The following SMYD3 variants were observed in gnomAD, a reference collection of about 807,000 sequenced individuals.
The protein encoded by SMYD3 is SET and MYND domain containing 3.
A neutral mutation model predicts 57.7 loss-of-function variants in SMYD3; 36 were observed. The observed-to-expected ratio is 0.62, with a 90% CI of 0.48 to 0.82. The LOEUF is 0.82. Among genes scored for constraint, SMYD3 ranks in the 40% least tolerant of loss-of-function variants. SMYD3 has a pLI of 0.00. For missense variants in SMYD3, 515 were observed against 538.8 expected, an observed-to-expected ratio of 0.96 and a Z score of 0.44; for synonymous variants, 211 against 195.0, an observed-to-expected ratio of 1.08 and a Z score of -0.68.
intron 1 of SMYD3, among the ~76,000 whole-genome samples, chr1:246,433,696 G>T (rs528413813): frequency 6.6e-6 from 1 of 152,024 alleles, no homozygotes; most frequent in Non-Finnish European, 1.5e-5. Flanking sequence ...TAGCCATACT[G>T]CCCAAAGCAA....
intron 10 of SMYD3, among the ~76,000 whole-genome samples, chr1:245,846,279 A>G (rs2050660155): frequency 6.6e-6 from 1 of 152,208 alleles, no homozygotes; most frequent in African/African-American, 2.4e-5. Context: ...ATTCCATCGC[A>G]GTAGATCTGT....
At chr1:246,060,734 A>C (rs2060237570) in intron 5 of SMYD3, among the ~76,000 whole-genome samples, 1 of 152,246 alleles carries the variant, frequency 6.6e-6, no homozygotes, top group Non-Finnish European at 1.5e-5. Context: ...AGCTCCCATA[A>C]AGAAAGACAT....
chr1:245,754,047 C>A (rs992168700), intron 11 of SMYD3, among the ~76,000 whole-genome samples: 2 of 152,142 alleles, frequency 1.3e-5, no homozygotes, highest in Non-Finnish European at 2.9e-5. Context: ...GCTACACCCA[C>A]ATCCAGACTC....
chr1:246,282,548 C>CAA (rs34605656), intron 5 of SMYD3, among the ~76,000 whole-genome samples: 2,083 of 146,104 alleles, frequency 0.014, 45 homozygotes, highest in African/African-American at 0.048. Flanking sequence ...TTATTTGTTC[C>CAA]AAAAAAAAAA....
rs115935570 is a variant in SMYD3, at chr1:246,076,273, C to A, written c.532-146336G>T. ...TTCTCTGTTCCATTCACAATTCTCA[C>A]CCAGGAAAGAGAAATTCAAAGAAAA... On this transcript the variant is annotated intron_variant, in intron 5 of 11. Coordinates refer to ENST00000490107, the MANE Select transcript of SMYD3 (RefSeq NM_001167740.2). 8.1e-3 allele frequency among the ~76,000 whole-genome samples: 1,228 copies of A among 152,276 alleles called. 20 individuals are homozygous for A. The highest frequency in any genetic ancestry group is 0.028 in the African/African-American group (1,179 of 41,546).
rs566754646 is a variant in SMYD3, at chr1:245,995,663, G to A, written c.532-65726C>T. ...CTGCAAAATCTGGGATGCAGTAGGGGGTGGGGGAGAGACTAATGCAGCCTG... is the reference window on the plus strand; with the variant it reads ...CTGCAAAATCTGGGATGCAGTAGGGAGTGGGGGAGAGACTAATGCAGCCTG... On this transcript the variant is annotated intron_variant, in intron 5 of 11. Coordinates refer to ENST00000490107, the MANE Select transcript of SMYD3 (RefSeq NM_001167740.2). 4.1e-4 allele frequency among the ~76,000 whole-genome samples: 63 copies of A among 152,374 alleles called. 1 individual carries two copies. In the South Asian group the frequency reaches 0.012, roughly 29 times the overall value.
intron 5 of SMYD3, among the ~76,000 whole-genome samples, chr1:246,197,767 C>A (rs1017615810): frequency 1.3e-4 from 20 of 152,064 alleles, no homozygotes; most frequent in African/African-American, 4.8e-4. Flanking sequence ...TAATAATGCA[C>A]CATACTAATA....
At chr1:245,979,389 C>G (rs1390502122) in intron 5 of SMYD3, among the ~76,000 whole-genome samples, 2 of 152,092 alleles carry the variant, frequency 1.3e-5, no homozygotes, top group African/African-American at 2.4e-5. Flanking sequence ...GAAATAAAGT[C>G]ACTGTAGATA....
intron 5 of SMYD3, among the ~76,000 whole-genome samples, chr1:246,100,611 T>C (rs1573022248): frequency 1.3e-5 from 2 of 152,184 alleles, no homozygotes; most frequent in East Asian, 3.9e-4. Context: ...CTTGTCACCA[T>C]CCTCCCAAGA....
chr1:245,983,511 ATTGT>A (rs1326276488), intron 5 of SMYD3, among the ~76,000 whole-genome samples: 1 of 152,134 alleles, frequency 6.6e-6, no homozygotes, highest in Non-Finnish European at 1.5e-5. Context: ...AGATTTTTAA[ATTGT>A]TTGACTTTTC....
intron 1 of SMYD3, among the ~76,000 whole-genome samples, chr1:246,366,790 G>C (rs551350927): frequency 6.6e-6 from 1 of 151,994 alleles, no homozygotes; most frequent in East Asian, 1.9e-4. Context: ...AATTAGCCAG[G>C]CATGGTGGTG....
intron 1 of SMYD3, among the ~76,000 whole-genome samples, chr1:246,398,950 AGTAGATAGTT>A (rs150546122): frequency 0.022 from 3,383 of 152,288 alleles, 60 homozygotes; most frequent in East Asian, 0.089. Flanking sequence ...ACCATAAAGG[AGTAGATAGTT>A]GTAGATTTTC....
intron 1 of SMYD3, among the ~76,000 whole-genome samples, chr1:246,368,299 G>A (rs1032917697): frequency 1.3e-5 from 2 of 152,096 alleles, no homozygotes; most frequent in African/African-American, 4.8e-5. Flanking sequence ...CTTCTTGGGT[G>A]TCAGAGGGAA....
chr1:246,110,542 A>C (rs554771732), intron 5 of SMYD3, among the ~76,000 whole-genome samples: 23 of 152,188 alleles, frequency 1.5e-4, no homozygotes, highest in Non-Finnish European at 3.1e-4. Flanking sequence ...TGGGGTCAAC[A>C]GCTTAACTCT....
intron 5 of SMYD3, among the ~76,000 whole-genome samples, chr1:245,940,516 G>A (rs1200744941): frequency 6.6e-6 from 1 of 152,028 alleles, no homozygotes; most frequent in Admixed American, 6.5e-5. Flanking sequence ...GGTCTGGAAT[G>A]GACTCAGCAA....
At chr1:245,827,422 TCTCTG>T (rs780177267) in intron 10 of SMYD3, among the ~76,000 whole-genome samples, 1 of 152,152 alleles carries the variant, frequency 6.6e-6, no homozygotes, top group Non-Finnish European at 1.5e-5. Flanking sequence ...GGCCCAGGGC[TCTCTG>T]CTCCATTCCA....
At chr1:246,332,280 T>C (rs866606516) in intron 3 of SMYD3, among the ~76,000 whole-genome samples, 12 of 152,166 alleles carry the variant, frequency 7.9e-5, no homozygotes, top group Admixed American at 2.6e-4. Flanking sequence ...ACATGAGTGA[T>C]AAGAAAGCAC....
intron 5 of SMYD3, among the ~76,000 whole-genome samples, chr1:246,199,110 C>A (rs1344028379): frequency 2.6e-5 from 4 of 151,936 alleles, no homozygotes; most frequent in Non-Finnish European, 1.5e-5. Context: ...TTTTTCAGCC[C>A]TTGCCCCCAT....
chr1:245,994,577 T>C (rs554113029), intron 5 of SMYD3, among the ~76,000 whole-genome samples: 6 of 152,164 alleles, frequency 3.9e-5, no homozygotes, highest in Non-Finnish European at 8.8e-5. Flanking sequence ...CTCACCACTC[T>C]GGTCATCTCC....
Sources: gnomAD v4.1 joint callset for allele counts (sites outside exome capture counted in the v4.1 genomes callset) on GRCh38, gnomAD v4.1.1 for gene constraint, MANE v1.5 for transcripts, NCBI Gene and HGNC (gene_info 2026-07-23, HGNC 2026-07-21) for gene names.